LRP1B: variants seen among roughly 807,000 people sequenced by gnomAD.
The protein encoded by LRP1B is low-density lipoprotein receptor-related protein 1B.
LRP1B carries 217 observed loss-of-function variants against 556.6 expected under a neutral mutation model. The ratio of observed to expected loss-of-function variants is 0.39; its 90% CI spans 0.35 to 0.44. The LOEUF (loss-of-function observed/expected upper bound fraction) is 0.44, where lower values mean the gene tolerates loss of function less well. LRP1B is among the 20% of genes least tolerant of loss of function. The pLI, the probability that LRP1B is intolerant of heterozygous loss-of-function variation, is 1.00. For synonymous variants in LRP1B, 2,047 were observed against 1,865.8 expected, an observed-to-expected ratio of 1.10 and a Z score of -2.50; for missense variants, 5,053 against 5,620.8, an observed-to-expected ratio of 0.90 and a Z score of 3.23.
At position 142,015,991 on chromosome 2, in the gene LRP1B, C is replaced by CAAAAAA. The variant is rs70994471; in HGVS notation, c.82+114651_82+114656dup. Among the ~76,000 whole-genome samples the CAAAAAA allele has an allele frequency of 2.3e-3, 91 of 38,792 alleles. 19 individuals are homozygous for CAAAAAA. Among genetic ancestry groups the CAAAAAA allele is most frequent in the South Asian group, 3.9e-3 (2 of 512 alleles). The allele number at this position is 38,792 out of a possible 152,430, so 25.4% of individuals were successfully genotyped here. A position where few individuals can be genotyped will look rare whatever the true frequency, so the allele number is the denominator to read the frequency against. ...TGGGCAACAGCGCGAGACTCCATCT[C>CAAAAAA]AAAAAAAAAAAAAAAAAAAAAGTGG... On this transcript the variant is annotated intron_variant, in intron 1 of 90. Coordinates refer to ENST00000389484, the MANE Select transcript of LRP1B (RefSeq NM_018557.3).
intron 3 of LRP1B, among the ~76,000 whole-genome samples, chr2:141,332,578 A>G (rs115567304): frequency 0.043 from 6,548 of 152,026 alleles, 204 homozygotes; most frequent in Non-Finnish European, 0.068. Context: ...AATGATCAGG[A>G]GAATGTTCTC....
At chr2:140,597,755 T>C (rs115237943) in intron 43 of LRP1B, among the ~76,000 whole-genome samples, 3,815 of 152,318 alleles carry the variant, frequency 0.025, 92 homozygotes, top group Non-Finnish European at 0.034. Context: ...TATTCATTTA[T>C]ATATTCTCTA....
Position 140,472,020 on chromosome 2 carries a change from C to T in LRP1B, c.9625+3118G>A, listed in dbSNP as rs139334388. Reference sequence around the variant, plus strand: ...CTCAAACTGCTCAAAGATTTTCCCACTTTAGCAGTCTTCAGTACTGCTGCA... The same window carrying T: ...CTCAAACTGCTCAAAGATTTTCCCATTTTAGCAGTCTTCAGTACTGCTGCA... On this transcript the variant is annotated intron_variant, in intron 60 of 90. Transcript: ENST00000389484. Among the ~76,000 whole-genome samples, 46 of 152,308 alleles carry T rather than the reference C, an allele frequency of 3.0e-4. No homozygotes were observed. In the East Asian group the frequency reaches 7.1e-3, roughly 24 times the overall value.
At position 141,716,465 on chromosome 2, in the gene LRP1B, G is replaced by A. The variant is rs183567569; in HGVS notation, c.205+93814C>T. Among the ~76,000 whole-genome samples the A allele has an allele frequency of 1.3e-3, 204 of 152,040 alleles. 1 individual carries two copies. The highest frequency in any genetic ancestry group is 4.8e-3 in the African/African-American group (201 of 41,492). On this transcript the variant is annotated intron_variant, in intron 2 of 90. Transcript: ENST00000389484. Reference sequence around the variant, plus strand: ...TCAGAGGAATGACTCTTTTTTTAGTGCTAGAACTCTAGCATAAATATGATA... The same window carrying A: ...TCAGAGGAATGACTCTTTTTTTAGTACTAGAACTCTAGCATAAATATGATA...
chr2:140,731,269 G>T (rs967521608), intron 35 of LRP1B, among the ~76,000 whole-genome samples: 2 of 152,014 alleles, frequency 1.3e-5, no homozygotes, highest in South Asian at 2.1e-4. Flanking sequence ...TGCCTTTCCA[G>T]TTGACTGAGA....
chr2:141,559,986 A>G (rs1483365392), intron 2 of LRP1B, among the ~76,000 whole-genome samples: 1 of 151,738 alleles, frequency 6.6e-6, no homozygotes. Flanking sequence ...CCATGATCCA[A>G]AACCTTGAAC....
At chr2:141,174,802 G>A (rs1444589937) in intron 7 of LRP1B, among the ~76,000 whole-genome samples, 2 of 152,096 alleles carry the variant, frequency 1.3e-5, no homozygotes, top group East Asian at 1.9e-4. Flanking sequence ...AGTTTAGAGG[G>A]CTCAGAGGAA....
chr2:140,716,933 T>G (rs1687233989), intron 35 of LRP1B, 117 bp from the exon 36 acceptor site: 1 of 462,220 alleles, frequency 2.2e-6, no homozygotes, highest in African/African-American at 2.0e-5. Context: ...GTATGCTAGA[T>G]TTTTAAGTAT....
At chr2:140,812,192 T>G (rs1690952485) in intron 32 of LRP1B, among the ~76,000 whole-genome samples, 2 of 152,100 alleles carry the variant, frequency 1.3e-5, no homozygotes, top group Non-Finnish European at 2.9e-5. Flanking sequence ...AAGGACCAAA[T>G]TAATAGGCAT....
At chr2:140,344,034 G>A (rs1283611637) in intron 77 of LRP1B, among the ~76,000 whole-genome samples, 3 of 151,718 alleles carry the variant, frequency 2.0e-5, no homozygotes, top group African/African-American at 7.2e-5. Flanking sequence ...GTCAGAACTT[G>A]TGAAATTGTA....
chr2:141,738,977 T>C (rs1210137694), intron 2 of LRP1B, among the ~76,000 whole-genome samples: 2 of 152,184 alleles, frequency 1.3e-5, no homozygotes, highest in East Asian at 3.9e-4. Flanking sequence ...CACAGACACA[T>C]TGCAAAATAT....
At chr2:141,310,780 A>G (rs1348584841) in intron 3 of LRP1B, among the ~76,000 whole-genome samples, 1 of 152,230 alleles carries the variant, frequency 6.6e-6, no homozygotes, top group East Asian at 1.9e-4. Flanking sequence ...AGATTCGTGA[A>G]ATACATTGAT....
chr2:140,236,775 T>C lies in LRP1B; in HGVS notation c.13560+1377A>G, dbSNP rs116978990. ...TTAAACATTATTGGAAACAACATAC[T>C]TATTTTGATAATAAAGTACTGTACT... is the stretch of plus-strand genomic sequence containing the variant. On this transcript the variant is annotated intron_variant, in intron 89 of 90. Transcript: ENST00000389484. Among the ~76,000 whole-genome samples the C allele has an allele frequency of 4.6e-4, 70 of 150,998 alleles. No homozygotes were observed. In the East Asian group the frequency reaches 0.012, roughly 26 times the overall value.
At chr2:142,003,046 G>A (rs1702703010) in intron 1 of LRP1B, among the ~76,000 whole-genome samples, 1 of 152,182 alleles carries the variant, frequency 6.6e-6, no homozygotes, top group Non-Finnish European at 1.5e-5. Context: ...CAGATGATTA[G>A]AGAGCATATC....
intron 32 of LRP1B, among the ~76,000 whole-genome samples, chr2:140,795,014 A>G (rs1443093991): frequency 2.0e-5 from 3 of 152,224 alleles, no homozygotes; most frequent in Admixed American, 6.5e-5. Flanking sequence ...ATATTTCTCA[A>G]TTAAAGACAA....
chr2:141,677,728 A>G (rs1690940848), intron 2 of LRP1B, among the ~76,000 whole-genome samples: 1 of 152,126 alleles, frequency 6.6e-6, no homozygotes, highest in Admixed American at 6.5e-5. Flanking sequence ...ACCTCGGGTG[A>G]TCCGCCCGCC....
intron 67 of LRP1B, among the ~76,000 whole-genome samples, chr2:140,382,678 G>GC (rs1370250935): frequency 1.3e-5 from 2 of 152,134 alleles, no homozygotes; most frequent in Middle Eastern, 3.2e-3. Flanking sequence ...GCAGTTAATT[G>GC]CCCCACTACT....
In LRP1B at chr2:141,276,410, T is replaced by C. The variant is rs115056401; in HGVS notation, c.344-21769A>G. Among the ~76,000 whole-genome samples, 485 of 152,158 alleles carry C rather than the reference T, an allele frequency of 3.2e-3. 3 individuals are homozygous for C. Among genetic ancestry groups the C allele is most frequent in the African/African-American group, 0.011 (460 of 41,524 alleles). On this transcript the variant is annotated intron_variant, in intron 3 of 90. Coordinates refer to ENST00000389484, the MANE Select transcript of LRP1B (RefSeq NM_018557.3). ...TTTGTCACTGAGGTAATAAGCACAGTATCTAACAGGTAGTTTTTCCATCTT... is the reference window on the plus strand; with the variant it reads ...TTTGTCACTGAGGTAATAAGCACAGCATCTAACAGGTAGTTTTTCCATCTT...
At chr2:140,598,122 C>A (rs1211880042) in intron 43 of LRP1B, among the ~76,000 whole-genome samples, 1 of 152,152 alleles carries the variant, frequency 6.6e-6, no homozygotes, top group Non-Finnish European at 1.5e-5. Flanking sequence ...AGCAACTCTT[C>A]CACTAACATT....
Sources: allele counts gnomAD v4.1 joint callset (sites outside exome capture counted in the v4.1 genomes callset), GRCh38; gene constraint gnomAD v4.1.1; transcripts MANE v1.5; gene names NCBI Gene and HGNC (gene_info 2026-07-23, HGNC 2026-07-21).